LYST: variants seen among roughly 807,000 people sequenced by gnomAD.
The protein encoded by LYST is lysosomal trafficking regulator.
In LYST, 192 loss-of-function variants were observed where a neutral mutation model predicts 413.6. The observed-to-expected ratio is 0.46, with a 90% CI of 0.41 to 0.52. The LOEUF is 0.52. LYST is among the 20% of genes least tolerant of loss of function. The pLI is 0.00. For missense variants in LYST, 3,815 were observed against 4,499.9 expected (o/e 0.85, Z 4.35); for synonymous variants, 1,525 against 1,567.3 (o/e 0.97, Z 0.64).
rs1359362155 is a variant in LYST at position 235,686,699 on chromosome 1, T to C, written c.10800+250A>G. On this transcript the variant is annotated intron_variant, in intron 48 of 52. Coordinates refer to ENST00000389793, the MANE Select transcript of LYST (RefSeq NM_000081.4). This position sits in a 1 kb window ranked among gnomAD's most constrained non-coding sequence, Gnocchi z 4.0. Reference sequence around the variant, plus strand: ...TACAGGTAAGCACCAAAATGTCATTTAAAAGCCTAAATACAAAACAGATCT... The same window carrying C: ...TACAGGTAAGCACCAAAATGTCATTCAAAAGCCTAAATACAAAACAGATCT... 6.6e-6 allele frequency among the ~76,000 whole-genome samples: 1 copy of C among 152,192 alleles called. No homozygotes were observed. Among genetic ancestry groups the C allele is most frequent in the Non-Finnish European group, 1.5e-5 (1 of 68,028 alleles).
intron 44 of LYST, 38 bp from the exon 45 acceptor site, chr1:235,703,015 G>A: frequency 7.1e-7 from 1 of 1,411,454 alleles, no homozygotes; most frequent in Non-Finnish European, 1.0e-6. Flanking sequence ...GACATATGTA[G>A]TAAAAAGAAA....
chr1:235,803,181 A>C lies in LYST; in HGVS notation c.3556-117T>G, dbSNP rs575147865. ...AATATTTTCTTGAAGAAAAAAACTT[A>C]GTAAACAATATGAATCATTATAAAT... On this transcript the variant is annotated intron_variant, in intron 7 of 52. Transcript: ENST00000389793. 1.8e-5 allele frequency: 14 copies of C among 799,814 alleles called. 1 individual carries two copies. The South Asian group carries it at 2.2e-4, about 13-fold the overall frequency. 49.5% of individuals were successfully genotyped at this position (799,814 alleles called of 1,614,324 possible). A position where few individuals can be genotyped will look rare whatever the true frequency, so the allele number is the denominator to read the frequency against.
chr1:235,834,629 T>C (rs1365222203), intron 1 of LYST, among the ~76,000 whole-genome samples: 1 of 152,290 alleles, frequency 6.6e-6, no homozygotes, highest in South Asian at 2.1e-4. Context: ...GTACCACACA[T>C]TATTCTAGGC....
At chr1:235,769,244 T>G (rs116485745) in intron 20 of LYST, among the ~76,000 whole-genome samples, 3,330 of 152,086 alleles carry the variant, frequency 0.022, 118 homozygotes, top group African/African-American at 0.076. Flanking sequence ...GATCAATAAT[T>G]GTTAAAGCAA....
chr1:235,736,169 T>C (rs1664800459), intron 31 of LYST: 1 of 152,104 alleles, frequency 6.6e-6, no homozygotes, highest in African/African-American at 2.4e-5. Context: ...TCAGGGACTA[T>C]AAAAGGTGTC....
chr1:235,739,041 T>C, intron 31 of LYST: 1 of 651,100 alleles, frequency 1.5e-6, no homozygotes, highest in Non-Finnish European at 2.9e-6. Flanking sequence ...AGGATTTTAG[T>C]TGGAGGTTGT....
intron 10 of LYST, among the ~76,000 whole-genome samples, chr1:235,796,580 G>A (rs1025265786): frequency 1.3e-5 from 2 of 152,200 alleles, no homozygotes; most frequent in Non-Finnish European, 2.9e-5. Flanking sequence ...GGTTGCCATT[G>A]TGGTAGTGTT....
At position 235,720,814 on chromosome 1, in the gene LYST, T is replaced by C; in HGVS notation, c.9407A>G (p.Tyr3136Cys). 1 of 1,614,100 alleles carries C rather than the reference T, an allele frequency of 6.2e-7. No individual in the cohort carries two copies. The highest frequency in any genetic ancestry group is 2.2e-5 in the East Asian group (1 of 44,868). The change falls in exon 40 of 53, where the codon TAT (tyrosine) becomes TGT (cysteine). Residue 3136 changes from tyrosine to cysteine, a missense_variant. Physicochemically the swap from Tyr to Cys is radical, Grantham distance 194. Coordinates refer to ENST00000389793, the MANE Select transcript of LYST (RefSeq NM_000081.4). ...GNITALTNLW[Y>C]TGQITNFEYL... ...TTCAAAATTAGTAATTTGCCCAGTA[T>C]ACCATAAATTTGTCAGAGCGGTGAT...
At position 235,755,485 on chromosome 1, in the gene LYST, C is replaced by T; in HGVS notation, c.7222G>A (p.Asp2408Asn). The T allele has an allele frequency of 6.2e-7, 1 of 1,612,908 alleles. No homozygotes were observed. ...EMFFGRHIGL[D>N]EEFDLEDVRN... ...AGGGAAGAACACACTTACTCTTCATCAAGGCCAATATGTCGACCAAAGAAC... is the reference window on the plus strand; with the variant it reads ...AGGGAAGAACACACTTACTCTTCATTAAGGCCAATATGTCGACCAAAGAAC... The change falls in exon 25 of 53, where the codon GAT (aspartate) becomes AAT (asparagine). Residue 2408 changes from aspartate (D) to asparagine (N), a missense_variant. By Grantham distance (23) the Asp-to-Asn change is conservative (BLOSUM62 1). Around this residue, in one of 4 missense-constraint regions of LYST, gnomAD observed 771 missense variants for 837.1 expected, o/e 0.92. Coordinates refer to ENST00000389793, the MANE Select transcript of LYST (RefSeq NM_000081.4).
intron 31 of LYST, chr1:235,738,014 G>A (rs1319735253): frequency 1.3e-6 from 2 of 1,517,842 alleles, no homozygotes; most frequent in Middle Eastern, 2.5e-4. Flanking sequence ...ATACGCTCAA[G>A]GATCAGCTTA....
In LYST at chr1:235,722,686, A is replaced by G. The variant is rs193263210; in HGVS notation, c.9315+1342T>C. On this transcript the variant is annotated intron_variant, in intron 39 of 52. Coordinates refer to ENST00000389793, the MANE Select transcript of LYST (RefSeq NM_000081.4). ...TTTTTAGTAGAGACGGGGTTTCACC[A>G]TGTTGGCCAGGCTGGTCTTGAACTC... Among the ~76,000 whole-genome samples, 3 of 152,176 alleles carry G rather than the reference A, an allele frequency of 2.0e-5. No individual in the cohort carries two copies. In the East Asian group the frequency reaches 5.8e-4, roughly 29 times the overall value.
At chr1:235,737,918 T>TAGCG in intron 31 of LYST, 58 of 1,164,668 alleles carry the variant, frequency 5.0e-5, no homozygotes, top group Admixed American at 4.8e-4. Context: ...TGCCGACGAG[T>TAGCG]CTGGATCTCA....
intron 31 of LYST, chr1:235,737,797 TA>T (rs1333104175): frequency 1.9e-6 from 1 of 516,656 alleles, no homozygotes. Flanking sequence ...TAGAGGCTAC[TA>T]GGGGCATGAA....
chr1:235,862,695 C>T lies in LYST; in HGVS notation c.-98+4148G>A, dbSNP rs566107007. On this transcript the variant is annotated intron_variant, in intron 1 of 52. Coordinates refer to ENST00000389793, the MANE Select transcript of LYST (RefSeq NM_000081.4). ...TCTGTAGTCCCAGCTACTCAGGAGGCTGAGGCAGGAGAATCGCTTGAACCT... is the reference window on the plus strand; with the variant it reads ...TCTGTAGTCCCAGCTACTCAGGAGGTTGAGGCAGGAGAATCGCTTGAACCT... 2.9e-4 allele frequency among the ~76,000 whole-genome samples: 44 copies of T among 152,148 alleles called. No homozygotes were observed. The South Asian group carries it at 9.1e-3, about 32-fold the overall frequency.
At chr1:235,802,868 G>T in intron 8 of LYST, 40 bp downstream of exon 8, 1 of 1,599,490 alleles carries the variant, frequency 6.3e-7, no homozygotes, top group Non-Finnish European at 8.6e-7. Context: ...TAATGATCTG[G>T]CTTGCAGATC....
At chr1:235,737,921 G>GTTGTGTA in intron 31 of LYST, 1 of 1,176,874 alleles carries the variant, frequency 8.5e-7, no homozygotes, top group Non-Finnish European at 1.1e-6. Context: ...CGACGAGTCT[G>GTTGTGTA]GATCTCACTG....
chr1:235,677,513 C>A lies in LYST; in HGVS notation c.10907G>T (p.Arg3636Ile). 6.2e-7 allele frequency: 1 copy of A among 1,613,778 alleles called. No homozygotes were observed. Among genetic ancestry groups the A allele is most frequent in the Non-Finnish European group, 8.5e-7 (1 of 1,179,780 alleles). ...KPYSILISVSRDGTCIIWDLN... is the reference protein window; with the variant it reads ...KPYSILISVSIDGTCIIWDLN... ...ATCCCATATGATGCAGGTTCCGTCT[C>A]TGCTCACACTTATCAGTATACTGTA... Residue 3636 changes from arginine to isoleucine, a missense_variant, in exon 49 of 53, where the codon AGA (arginine) becomes ATA (isoleucine). Coordinates refer to ENST00000389793, the MANE Select transcript of LYST (RefSeq NM_000081.4).
intron 12 of LYST, among the ~76,000 whole-genome samples, chr1:235,790,403 T>A (rs539940871): frequency 1.3e-5 from 2 of 152,306 alleles, no homozygotes; most frequent in African/African-American, 4.8e-5. Flanking sequence ...AGATTAAAAA[T>A]GTATATAGAA....
At chr1:235,753,343 A>G (rs1387865618) in intron 25 of LYST, 69 bp from the exon 26 acceptor site, 1 of 943,634 alleles carries the variant, frequency 1.1e-6, no homozygotes, top group Non-Finnish European at 1.7e-6. Flanking sequence ...GATAGCAACT[A>G]TGGGTCATCT....
Sources: gnomAD v4.1 joint callset for allele counts (sites outside exome capture counted in the v4.1 genomes callset) on GRCh38, gnomAD v4.1.1 for gene constraint, gnomAD v4.1.1 regional missense constraint, Gnocchi (gnomAD v3.1) non-coding constraint, MANE v1.5 for transcripts, NCBI Gene and HGNC (gene_info 2026-07-23, HGNC 2026-07-21) for gene names.